The following POU6F2 variants were observed in gnomAD, a reference collection of about 807,000 sequenced individuals.
POU6F2 encodes POU class 6 homeobox 2, also known as POU domain, class 6, transcription factor 2.
Under a neutral mutation model 71.3 loss-of-function variants are expected in POU6F2, and 31 were observed. The ratio of observed to expected loss-of-function variants is 0.43; its 90% CI spans 0.33 to 0.59. The LOEUF is 0.59. Ranked by LOEUF, POU6F2 falls within the 20% of genes least tolerant of loss-of-function variation. The probability of loss-of-function intolerance (pLI) is 0.04; values close to 1 mark genes in which losing one functional copy is unlikely to be tolerated. For missense variants in POU6F2, 783 were observed against 856.8 expected (o/e 0.91, Z 1.07); for synonymous variants, 347 against 355.7 (o/e 0.98, Z 0.27).
At chr7:39,277,582 G>T (rs375684833) in intron 4 of POU6F2, among the ~76,000 whole-genome samples, 1 of 152,342 alleles carries the variant, frequency 6.6e-6, no homozygotes, top group South Asian at 2.1e-4. Flanking sequence ...CCCTGGGGAA[G>T]TATGGAGTGT....
intron 1 of POU6F2, among the ~76,000 whole-genome samples, chr7:39,036,721 A>G (rs1448240980): frequency 6.6e-6 from 1 of 151,970 alleles, no homozygotes; most frequent in African/African-American, 2.4e-5. Context: ...AGCAAATGGA[A>G]AAATACATTT....
rs187317875 is a variant in POU6F2, at chr7:39,403,949, G to A, written c.973-2651G>A. On this transcript the variant is annotated intron_variant, in intron 5 of 9. Coordinates refer to ENST00000518318, the MANE Select transcript of POU6F2 (RefSeq NM_001370959.1). ...CTGTGGTTCTAGCTCTAGTTCTACAGGAACAGCAGGGCATCTCCCCAGAAC... is the reference window on the plus strand; with the variant it reads ...CTGTGGTTCTAGCTCTAGTTCTACAAGAACAGCAGGGCATCTCCCCAGAAC... 1.4e-4 allele frequency among the ~76,000 whole-genome samples: 21 copies of A among 152,298 alleles called. No homozygotes were observed. In the East Asian group the frequency reaches 3.9e-3, roughly 28 times the overall value.
intron 4 of POU6F2, among the ~76,000 whole-genome samples, chr7:39,271,511 A>C (rs1390834612): frequency 7.4e-6 from 1 of 134,352 alleles, no homozygotes; most frequent in Non-Finnish European, 1.7e-5. Flanking sequence ...AAAAAAAAAA[A>C]AACCCTATGA....
intron 2 of POU6F2, among the ~76,000 whole-genome samples, chr7:39,106,487 T>C (rs1289682736): frequency 6.6e-6 from 1 of 152,240 alleles, no homozygotes; most frequent in Non-Finnish European, 1.5e-5. Context: ...AGTTTGTTTT[T>C]ATTGAAACTA....
At chr7:39,078,537 G>A (rs1482487390) in intron 1 of POU6F2, among the ~76,000 whole-genome samples, 1 of 152,184 alleles carries the variant, frequency 6.6e-6, no homozygotes, top group Non-Finnish European at 1.5e-5. Flanking sequence ...GTGAAGGAGT[G>A]GTGGTCAGTG....
At chr7:39,040,253 G>T (rs1341952539) in intron 1 of POU6F2, among the ~76,000 whole-genome samples, 1 of 146,762 alleles carries the variant, frequency 6.8e-6, no homozygotes, top group Non-Finnish European at 1.5e-5. Context: ...GTAGTAAAAT[G>T]TACAAAAAAA....
rs150656468 is a variant in POU6F2 at position 39,253,662 on chromosome 7, C to G, written c.598+46042C>G. Among the ~76,000 whole-genome samples, 259 of 152,174 alleles carry G rather than the reference C, an allele frequency of 1.7e-3. 1 individual carries two copies. Among genetic ancestry groups the G allele is most frequent in the African/African-American group, 6.0e-3 (250 of 41,528 alleles). On this transcript the variant is annotated intron_variant, in intron 4 of 9. Transcript: ENST00000518318. ...AATATTGAGAAGCTGAAGACCCCAG[C>G]GTCATGCAAAGTGGAGGGTCGGGTA...
At chr7:39,413,145 G>A (rs1787591834) in intron 6 of POU6F2, among the ~76,000 whole-genome samples, 1 of 151,116 alleles carries the variant, frequency 6.6e-6, no homozygotes, top group Middle Eastern at 3.4e-3. Flanking sequence ...TAGGAGCCGC[G>A]GGAAGCAGCC....
At position 39,347,226 on chromosome 7, in the gene POU6F2, A is replaced by T. The variant is rs545854423; in HGVS notation, c.972+7211A>T. Among the ~76,000 whole-genome samples, 6 of 152,336 alleles carry T rather than the reference A, an allele frequency of 3.9e-5. No individual in the cohort carries two copies. The South Asian group carries it at 1.2e-3, about 32-fold the overall frequency. ...TTTTCCATCCTCGACTATAGATATT[A>T]TAACCTGTTGGGGAATATGAGACAA... On this transcript the variant is annotated intron_variant, in intron 5 of 9. Transcript: ENST00000518318.
intron 2 of POU6F2, among the ~76,000 whole-genome samples, chr7:39,141,020 C>A (rs992773043): frequency 6.6e-6 from 1 of 152,062 alleles, no homozygotes; most frequent in African/African-American, 2.4e-5. Context: ...CAGCTTGTGG[C>A]CAGTCTTAAC....
At chr7:39,006,750 C>A (rs1789083441) in intron 1 of POU6F2, 1 of 1,161,552 alleles carries the variant, frequency 8.6e-7, no homozygotes, top group Non-Finnish European at 1.3e-6. Context: ...TTGGGGTTTT[C>A]TTCTAGGCAT....
intron 1 of POU6F2, among the ~76,000 whole-genome samples, chr7:39,048,550 G>A (rs1381412684): frequency 1.3e-5 from 2 of 151,936 alleles, no homozygotes; most frequent in Non-Finnish European, 2.9e-5. Flanking sequence ...ATAGTCCATG[G>A]TGTATATGTA....
intron 2 of POU6F2, among the ~76,000 whole-genome samples, chr7:39,173,197 GTT>G (rs1793260261): frequency 6.6e-6 from 1 of 152,292 alleles, no homozygotes; most frequent in Admixed American, 6.5e-5. Flanking sequence ...ACACATATCT[GTT>G]TTCAGTCTAG....
At chr7:39,270,867 C>A (rs1414202359) in intron 4 of POU6F2, among the ~76,000 whole-genome samples, 1 of 152,168 alleles carries the variant, frequency 6.6e-6, no homozygotes, top group African/African-American at 2.4e-5. Flanking sequence ...CTAGTAACTT[C>A]GAGGCTCACT....
intron 2 of POU6F2, among the ~76,000 whole-genome samples, chr7:39,096,310 A>G (rs971448109): frequency 1.3e-5 from 2 of 152,160 alleles, no homozygotes; most frequent in South Asian, 4.1e-4. Context: ...CAGTTGTTAA[A>G]GGCCAAACAA....
At chr7:39,138,484 G>A (rs192419860) in intron 2 of POU6F2, among the ~76,000 whole-genome samples, 158 of 152,200 alleles carry the variant, frequency 1.0e-3, no homozygotes, top group African/African-American at 3.4e-3. Flanking sequence ...TCAGATCAGC[G>A]GCAGCATTAG....
At chr7:39,107,076 A>T (rs1584545640) in intron 2 of POU6F2, among the ~76,000 whole-genome samples, 26 of 118,946 alleles carry the variant, frequency 2.2e-4, no homozygotes, top group Admixed American at 2.9e-4. Context: ...AACAAGGCCT[A>T]CTCTGTTGCC....
At position 39,162,928 on chromosome 7, in the gene POU6F2, C is replaced by A. The variant is rs558802647; in HGVS notation, c.278-41307C>A. Among the ~76,000 whole-genome samples, 11 of 152,288 alleles carry A rather than the reference C, an allele frequency of 7.2e-5. No homozygotes were observed. In the South Asian group the frequency reaches 2.3e-3, roughly 32 times the overall value. Reference sequence around the variant, plus strand: ...GTTTGTCATATCATTCTAGGGACGACTGGGGCATGAACAAAGTTAGAACCT... The same window carrying A: ...GTTTGTCATATCATTCTAGGGACGAATGGGGCATGAACAAAGTTAGAACCT... On this transcript the variant is annotated intron_variant, in intron 2 of 9. Transcript: ENST00000518318.
At chr7:38,998,653 C>CT (rs1788807927) in intron 1 of POU6F2, among the ~76,000 whole-genome samples, 1 of 133,402 alleles carries the variant, frequency 7.5e-6, no homozygotes, top group African/African-American at 2.7e-5. Flanking sequence ...GTGTTAATCA[C>CT]ATTTTTTTTT....
Sources: allele counts gnomAD v4.1 joint callset (sites outside exome capture counted in the v4.1 genomes callset), GRCh38; gene constraint gnomAD v4.1.1; transcripts MANE v1.5; gene names NCBI Gene and HGNC (gene_info 2026-07-23, HGNC 2026-07-21).